ZAN: variants seen among roughly 807,000 people sequenced by gnomAD.
The protein encoded by ZAN is zonadhesin.
In ZAN, 260 loss-of-function variants were observed where a neutral mutation model predicts 286.2. The ratio of observed to expected loss-of-function variants is 0.91; its 90% confidence interval spans 0.82 to 1.01. The LOEUF (loss-of-function observed/expected upper bound fraction) is 1.01, where lower values mean the gene tolerates loss of function less well. Among genes scored for constraint, ZAN ranks in the 50% least tolerant of loss-of-function variants. ZAN has a pLI of 0.00. For synonymous variants in ZAN, 1,368 were observed against 1,417.5 expected (o/e 0.97, Z 0.79); for missense variants, 3,410 against 3,639.2 (o/e 0.94, Z 1.62).
chr7:100,736,708 G>A lies in ZAN; in HGVS notation c.253+79G>A. ...GGAGTGGCTAGATGGAGAGAGAAGG[G>A]AGGCAGCCAGACCTGGATGCCTGGG... On this transcript the variant is annotated intron_variant, in intron 4 of 47. Coordinates refer to ENST00000613979, the MANE Select transcript of ZAN (RefSeq NM_003386.3). The A allele has an allele frequency of 2.0e-6, 3 of 1,482,272 alleles. 1 individual carries two copies. Among genetic ancestry groups the A allele is most frequent in the South Asian group, 1.2e-5 (1 of 86,314 alleles). 91.8% of individuals were successfully genotyped at this position (1,482,272 alleles called of 1,614,324 possible).
intron 40 of ZAN, 69 bp downstream of exon 40, chr7:100,791,182 C>A: frequency 6.5e-7 from 1 of 1,537,464 alleles, no homozygotes; most frequent in East Asian, 2.4e-5. Flanking sequence ...GCCGCTAGCC[C>A]TCCTGTCCTC....
rs1810528860 is a variant in ZAN, at chr7:100,773,468, C to T, written c.5609C>T (p.Thr1870Ile). The change falls in exon 30 of 48, where the codon ACT (threonine) becomes ATT (isoleucine). Residue 1870 changes from threonine (T) to isoleucine (I), a missense_variant. Transcript: ENST00000613979. Reference protein sequence around the residue: ...SCVPLGQCGCTDPAGSYHPVG... With the variant: ...SCVPLGQCGCIDPAGSYHPVG... ...GTGCCCCTTGGCCAGTGTGGCTGCA[C>T]TGACCCAGCGGGCTCCTACCACCCG... 6.2e-7 allele frequency: 1 copy of T among 1,613,826 alleles called. No individual in the cohort carries two copies. The highest frequency in any genetic ancestry group is 8.5e-7 in the Non-Finnish European group (1 of 1,179,880).
intron 25 of ZAN, 90 bp from the exon 26 acceptor site, chr7:100,767,741 G>A: frequency 2.1e-6 from 3 of 1,445,182 alleles, no homozygotes; most frequent in Non-Finnish European, 2.8e-6. Flanking sequence ...GCCTCCCAAA[G>A]TGCTGGGTTT....
intron 29 of ZAN, among the ~76,000 whole-genome samples, chr7:100,772,973 G>C (rs1164102214): frequency 6.6e-6 from 1 of 150,404 alleles, no homozygotes; most frequent in East Asian, 2.0e-4. Flanking sequence ...TCAGGTTCAA[G>C]AGATTCTCGT....
At chr7:100,796,003 C>T (rs940386845) in intron 45 of ZAN, among the ~76,000 whole-genome samples, 1 of 152,072 alleles carries the variant, frequency 6.6e-6, no homozygotes. Context: ...CCGCTTGAAC[C>T]CGGGAGGCAG....
Position 100,784,666 on chromosome 7 carries a change from C to T in ZAN, c.6666C>T (p.Pro2222=), listed in dbSNP as rs765883585. 6.2e-7 allele frequency: 1 copy of T among 1,614,008 alleles called. No individual in the cohort carries two copies. Among genetic ancestry groups the T allele is most frequent in the South Asian group, 1.1e-5 (1 of 91,084 alleles). The change falls in exon 36 of 48, where the codon CCC becomes CCT. Residue 2222 remains proline, a synonymous_variant. Coordinates refer to ENST00000613979, the MANE Select transcript of ZAN (RefSeq NM_003386.3). ...PAYSSYTNCL[P]SCSPSCWDLD... ...ACAGCAGCTACACCAACTGCCTTCCCTCCTGCTCACCCTCCTGCTGGGACC... is the reference window on the plus strand; with the variant it reads ...ACAGCAGCTACACCAACTGCCTTCCTTCCTGCTCACCCTCCTGCTGGGACC...
At position 100,779,554 on chromosome 7, in the gene ZAN, G is replaced by A. The variant is rs1276199656; in HGVS notation, c.6426G>A (p.Glu2142=). 14 of 1,611,666 alleles carry A rather than the reference G, an allele frequency of 8.7e-6. No homozygotes were observed. Among genetic ancestry groups the A allele is most frequent in the South Asian group, 7.7e-5 (7 of 90,556 alleles). ...TCCGCAGGGCGCGGGAAAAGTGCGAGGCAGCGCTCCGGGCTCCTGTGTGGG... is the reference window on the plus strand; with the variant it reads ...TCCGCAGGGCGCGGGAAAAGTGCGAAGCAGCGCTCCGGGCTCCTGTGTGGG... ...ADLRRAREKC[E]AALRAPVWAQ... The change falls in exon 35 of 48, where the codon GAG becomes GAA. Residue 2142 remains glutamate, a synonymous_variant. Coordinates refer to ENST00000613979, the MANE Select transcript of ZAN (RefSeq NM_003386.3).
chr7:100,754,448 G>T (rs1468751654), intron 14 of ZAN, among the ~76,000 whole-genome samples: 1 of 151,904 alleles, frequency 6.6e-6, no homozygotes, highest in Non-Finnish European at 1.5e-5. Flanking sequence ...GATAAAGTGA[G>T]ACTCCGTCTC....
In ZAN at chr7:100,775,362, C is replaced by G. The variant is rs889138685; in HGVS notation, c.5814C>G (p.His1938Gln). ...TGTGTCAGCTCCCAGGGGAGTCCCACTACGTGAGCTTTGATGGTAGTAACC... is the reference window on the plus strand; with the variant it reads ...TGTGTCAGCTCCCAGGGGAGTCCCAGTACGTGAGCTTTGATGGTAGTAACC... ...VGVCQLPGES[H>Q]YVSFDGSNHS... The change falls in exon 32 of 48, where the codon CAC becomes CAG. Residue 1938 changes from histidine to glutamine, a missense_variant. His to Gln is a conservative substitution (Grantham distance 24, BLOSUM62 0). Around this residue, in one of 7 missense-constraint regions of ZAN, gnomAD observed 1,289 missense variants for 1,314.3 expected, o/e 0.98. Transcript: ENST00000613979. 6 of 1,613,500 alleles carry G rather than the reference C, an allele frequency of 3.7e-6. No individual in the cohort carries two copies. The highest frequency in any genetic ancestry group is 5.1e-6 in the Non-Finnish European group (6 of 1,179,822).
At chr7:100,791,411 C>A (rs1211064174) in intron 40 of ZAN, among the ~76,000 whole-genome samples, 1 of 151,576 alleles carries the variant, frequency 6.6e-6, no homozygotes, top group African/African-American at 2.4e-5. Context: ...CCTCCTCCTT[C>A]TTCTTCTCCT....
intron 34 of ZAN, among the ~76,000 whole-genome samples, chr7:100,778,507 C>G (rs1364319567): frequency 2.0e-5 from 3 of 151,770 alleles, no homozygotes; most frequent in South Asian, 2.1e-4. Context: ...ACTCACAAGG[C>G]TGAGGTGGGA....
chr7:100,750,228 C>T (rs939545256), intron 11 of ZAN, among the ~76,000 whole-genome samples: 2 of 151,870 alleles, frequency 1.3e-5, no homozygotes, highest in Non-Finnish European at 2.9e-5. Context: ...CCTCCACCTC[C>T]GGAGTTCAAG....
intron 2 of ZAN, 38 bp from the exon 3 acceptor site, chr7:100,735,682 A>ACGAGTTGC (rs1250464720): frequency 1.4e-6 from 2 of 1,416,548 alleles, no homozygotes; most frequent in Admixed American, 3.9e-5. Context: ...TGATAATGAC[A>ACGAGTTGC]CGAGTTGCAT....
intron 12 of ZAN, 53 bp from the exon 13 acceptor site, chr7:100,751,129 G>A (rs1808631694): frequency 6.9e-7 from 1 of 1,458,950 alleles, no homozygotes; most frequent in African/African-American, 1.4e-5. Flanking sequence ...TCACAGAGTT[G>A]CTGGAGATTC....
At position 100,745,120 on chromosome 7, in the gene ZAN, G is replaced by T. The variant is rs546435916; in HGVS notation, c.767-1418G>T. ...GCTGGTCTAGAACCCCTGACCTCAG[G>T]TGATCCGCCCGCCTCGGTCTCCCAA... On this transcript the variant is annotated intron_variant, in intron 7 of 47. Transcript: ENST00000613979. Among the ~76,000 whole-genome samples, 165 of 151,852 alleles carry T rather than the reference G, an allele frequency of 1.1e-3. 6 individuals carry two copies. Among genetic ancestry groups the T allele is most frequent in the African/African-American group, 3.8e-3 (157 of 41,344 alleles).
At position 100,760,883 on chromosome 7, in the gene ZAN, G is replaced by A. The variant is rs552887229; in HGVS notation, c.3842+347G>A. Among the ~76,000 whole-genome samples the A allele has an allele frequency of 1.6e-4, 25 of 152,168 alleles. No individual in the cohort carries two copies. The East Asian group carries it at 4.8e-3, about 29-fold the overall frequency. On this transcript the variant is annotated intron_variant, in intron 19 of 47. Transcript: ENST00000613979. ...GGCTCCCCAGATGGACAAAACAAGGGAAAGCAAGATTCTTCTTCTTCTTTT... is the reference window on the plus strand; with the variant it reads ...GGCTCCCCAGATGGACAAAACAAGGAAAAGCAAGATTCTTCTTCTTCTTTT...
chr7:100,786,583 A>AT (rs200176700), intron 37 of ZAN, among the ~76,000 whole-genome samples: 2,160 of 151,842 alleles, frequency 0.014, 36 homozygotes, highest in East Asian at 0.048. Context: ...CAATTTTGCT[A>AT]TTTTTTTTCT....
At chr7:100,786,774 T>C (rs1008631904) in intron 37 of ZAN, among the ~76,000 whole-genome samples, 2 of 151,488 alleles carry the variant, frequency 1.3e-5, no homozygotes, top group Non-Finnish European at 2.9e-5. Flanking sequence ...CCAGGGAGGC[T>C]GGGCATGGTG....
intron 14 of ZAN, among the ~76,000 whole-genome samples, chr7:100,754,827 CT>C (rs1809031710): frequency 6.6e-6 from 1 of 152,138 alleles, no homozygotes; most frequent in East Asian, 1.9e-4. Flanking sequence ...CTGTGCCCGG[CT>C]CTAGGGTTTC....
Sources: gnomAD v4.1 joint callset for allele counts (sites outside exome capture counted in the v4.1 genomes callset) on GRCh38, gnomAD v4.1.1 for gene constraint, gnomAD v4.1.1 regional missense constraint, MANE v1.5 for transcripts, NCBI Gene and HGNC (gene_info 2026-07-23, HGNC 2026-07-21) for gene names.